LAMA1: variants seen among roughly 807,000 people sequenced by gnomAD.
The protein encoded by LAMA1 is laminin subunit alpha-1.
LAMA1 carries 219 observed loss-of-function variants against 348.7 expected under a neutral mutation model. The ratio of observed to expected loss-of-function variants is 0.63; its 90% CI spans 0.56 to 0.70. The LOEUF is 0.70. LAMA1 is among the 30% of genes least tolerant of loss of function. LAMA1 has a pLI of 0.00. For synonymous variants in LAMA1, 1,487 were observed against 1,491.0 expected (o/e 1.00, Z 0.06); for missense variants, 3,744 against 3,888.0 (o/e 0.96, Z 0.99).
chr18:7,010,089 G>T (rs749475846), intron 26 of LAMA1, 111 bp downstream of exon 26: 80 of 1,265,532 alleles, frequency 6.3e-5, no homozygotes, highest in Non-Finnish European at 7.7e-5. Context: ...TTACAGGTGT[G>T]AGCCACCGTA....
intron 32 of LAMA1, among the ~76,000 whole-genome samples, chr18:6,998,350 G>A (rs1853034856): frequency 6.6e-6 from 1 of 152,156 alleles, no homozygotes; most frequent in South Asian, 2.1e-4. Flanking sequence ...AGGAAGTAAG[G>A]CAGAACTGGA....
intron 1 of LAMA1, among the ~76,000 whole-genome samples, chr18:7,115,826 A>AAAAAAAAAT (rs2058353883): frequency 6.7e-6 from 1 of 149,712 alleles, no homozygotes; most frequent in Non-Finnish European, 1.5e-5. Context: ...AAAAAAAAAA[A>AAAAAAAAAT]AAAAAAATAG....
chr18:7,081,142 C>T (rs919376864), intron 1 of LAMA1, among the ~76,000 whole-genome samples: 3 of 151,580 alleles, frequency 2.0e-5, no homozygotes, highest in South Asian at 2.1e-4. Flanking sequence ...GACAATAGAG[C>T]GAGACTGAGC....
Position 7,008,436 on chromosome 18 carries a change from A to C in LAMA1, c.4122+52T>G, listed in dbSNP as rs929084204. On this transcript the variant is annotated intron_variant, in intron 28 of 62. Transcript: ENST00000389658. ...TTCATCTCTGGGAGTTGCTGTAACA[A>C]GCACATTTCAACTCAAACCCAGGAA... 2.1e-5 allele frequency: 34 copies of C among 1,609,762 alleles called. No individual in the cohort carries two copies. The East Asian group carries it at 6.9e-4, about 33-fold the overall frequency.
chr18:6,996,640 A>C (rs540138332), intron 33 of LAMA1, among the ~76,000 whole-genome samples: 1 of 152,018 alleles, frequency 6.6e-6, no homozygotes, highest in Non-Finnish European at 1.5e-5. Context: ...CTAGCCAGGC[A>C]TGGTGGTGTG....
intron 1 of LAMA1, among the ~76,000 whole-genome samples, chr18:7,098,973 A>G (rs1281374373): frequency 3.3e-5 from 5 of 152,184 alleles, no homozygotes; most frequent in Admixed American, 1.3e-4. Flanking sequence ...GGTGTACTCA[A>G]CAGCTCATTG....
intron 1 of LAMA1, among the ~76,000 whole-genome samples, chr18:7,106,040 G>A (rs1213188888): frequency 6.6e-6 from 1 of 152,192 alleles, no homozygotes; most frequent in Non-Finnish European, 1.5e-5. Context: ...TCTAAGTGCA[G>A]GGATTACTCA....
In LAMA1 at chr18:6,992,632, A is replaced by G; in HGVS notation, c.5097T>C (p.Gly1699=). ...TCTGCATGATTTCTAGCAAAGATGTACCATTCTGTTGCATGTTCTGAAGAG... is the reference window on the plus strand; with the variant it reads ...TCTGCATGATTTCTAGCAAAGATGTGCCATTCTGTTGCATGTTCTGAAGAG... The part of the protein sequence containing the change: ...NSTLQNMQQN[G]TSLLEIMQIR... The change falls in exon 36 of 63, where the codon GGT becomes GGC. Residue 1699 remains glycine, a synonymous_variant. Transcript: ENST00000389658. 1.2e-6 allele frequency: 2 copies of G among 1,613,840 alleles called. No homozygotes were observed. The highest frequency in any genetic ancestry group is 1.7e-6 in the Non-Finnish European group (2 of 1,179,676).
Position 6,961,993 on chromosome 18 carries a change from A to G in LAMA1, c.7404T>C (p.Phe2468=). ...CTCCATAGGAATTTCTGAGTAAGTC[A>G]AAGGTTGATCTGGATATTTCCAGGT... The part of the protein sequence containing the change: ...IKNLEISRST[F]DLLRNSYGVR... The change falls in exon 52 of 63, where the codon TTT becomes TTC. Residue 2468 remains phenylalanine, a synonymous_variant. Transcript: ENST00000389658. The G allele has an allele frequency of 6.2e-7, 1 of 1,614,238 alleles. No homozygotes were observed. Among genetic ancestry groups the G allele is most frequent in the Middle Eastern group, 1.6e-4 (1 of 6,062 alleles).
rs185425315 is a variant in LAMA1, at chr18:7,058,211, G to A, written c.346-7275C>T. Among the ~76,000 whole-genome samples the A allele has an allele frequency of 3.5e-4, 54 of 152,268 alleles. No homozygotes were observed. In the East Asian group the frequency reaches 8.1e-3, roughly 23 times the overall value. On this transcript the variant is annotated intron_variant, in intron 3 of 62. Coordinates refer to ENST00000389658, the MANE Select transcript of LAMA1 (RefSeq NM_005559.4). The stretch of plus-strand genomic sequence containing the variant: ...GAAAATGATACTAAATGGAAGAACA[G>A]CCGTAGTGAAAAACTTCAGGACAAG...
At chr18:7,101,493 G>C (rs567958014) in intron 1 of LAMA1, among the ~76,000 whole-genome samples, 2 of 152,170 alleles carry the variant, frequency 1.3e-5, no homozygotes, top group African/African-American at 4.8e-5. Flanking sequence ...CTTGTTATGA[G>C]TCTGCTTGCT....
At chr18:7,040,812 T>TA (rs2058017208) in intron 9 of LAMA1, among the ~76,000 whole-genome samples, 1 of 152,098 alleles carries the variant, frequency 6.6e-6, no homozygotes, top group Non-Finnish European at 1.5e-5. Context: ...TATTTGGTAA[T>TA]AAAAAGGGTT....
rs1306260317 is a variant in LAMA1, at chr18:7,037,698, G to C, written c.1617C>G (p.Ile539Met). Reference sequence around the variant, plus strand: ...CGCCTAGTGCATCTTGCTGAGACGGGATCTTCCTGGGACTGATCAAGTCGG... The same window carrying C: ...CGCCTAGTGCATCTTGCTGAGACGGCATCTTCCTGGGACTGATCAAGTCGG... ...LVTDLISPRK[I>M]PSQQDALGGR... is the part of the protein sequence containing the mutation. The change falls in exon 12 of 63, where the codon ATC becomes ATG. Residue 539 changes from isoleucine (I) to methionine (M), a missense_variant. Ile to Met is a conservative substitution (Grantham distance 10). Transcript: ENST00000389658. The C allele has an allele frequency of 6.2e-7, 1 of 1,614,150 alleles. No homozygotes were observed. The highest frequency in any genetic ancestry group is 1.7e-5 in the Admixed American group (1 of 60,030).
chr18:6,953,662 C>T (rs2057560614), intron 57 of LAMA1: 1 of 152,292 alleles, frequency 6.6e-6, no homozygotes, highest in Non-Finnish European at 1.5e-5. Context: ...ACCTCAATCT[C>T]CTTATCTGTT....
intron 1 of LAMA1, among the ~76,000 whole-genome samples, chr18:7,085,619 C>T (rs1189780805): frequency 2.1e-4 from 32 of 152,016 alleles, no homozygotes; most frequent in East Asian, 1.2e-3. Context: ...GGGGTTTCAC[C>T]ACGTTAGCCA....
chr18:7,050,592 GT>G, intron 4 of LAMA1, 101 bp downstream of exon 4: 1 of 1,524,358 alleles, frequency 6.6e-7, no homozygotes, highest in Non-Finnish European at 9.0e-7. Context: ...GAGCTAGATA[GT>G]TATATTAAAG....
chr18:7,085,638 T>A (rs1272906134), intron 1 of LAMA1, among the ~76,000 whole-genome samples: 3 of 152,104 alleles, frequency 2.0e-5, no homozygotes, highest in Non-Finnish European at 4.4e-5. Context: ...CAGGATGGTC[T>A]CGATCTCCTG....
At chr18:7,109,254 T>A (rs1219257172) in intron 1 of LAMA1, among the ~76,000 whole-genome samples, 1 of 151,936 alleles carries the variant, frequency 6.6e-6, no homozygotes, top group Non-Finnish European at 1.5e-5. Context: ...CTGTGGGGAG[T>A]TCCTCGGTGT....
chr18:7,070,380 G>A (rs934411765), intron 3 of LAMA1, among the ~76,000 whole-genome samples: 15 of 152,206 alleles, frequency 9.9e-5, no homozygotes, highest in African/African-American at 3.4e-4. Flanking sequence ...GTAATGAGAC[G>A]CTCCAATTTA....
Sources: allele counts gnomAD v4.1 joint callset (sites outside exome capture counted in the v4.1 genomes callset), GRCh38; gene constraint gnomAD v4.1.1; transcripts MANE v1.5; gene names NCBI Gene and HGNC (gene_info 2026-07-23, HGNC 2026-07-21).